TBCK: variants seen among roughly 807,000 people sequenced by gnomAD.
TBCK encodes the protein TBC domain-containing protein kinase-like protein.
TBCK carries 99 observed loss-of-function variants against 113.4 expected under a neutral mutation model. The ratio of observed to expected loss-of-function variants is 0.87; its 90% CI spans 0.74 to 1.03. TBCK has a LOEUF of 1.03. Ranked by LOEUF, TBCK falls within the 50% of genes least tolerant of loss-of-function variation. The pLI is 0.00. For missense variants in TBCK, 1,045 were observed against 1,061.3 expected (o/e 0.98, Z 0.21); for synonymous variants, 369 against 370.8 (o/e 1.00, Z 0.05).
At chr4:106,224,861 T>A (rs577896413) in intron 19 of TBCK, among the ~76,000 whole-genome samples, 1 of 152,324 alleles carries the variant, frequency 6.6e-6, no homozygotes, top group Non-Finnish European at 1.5e-5. Context: ...TTCAAATTCA[T>A]CAAGTATCTT....
intron 25 of TBCK, among the ~76,000 whole-genome samples, chr4:106,084,155 G>A (rs906934013): frequency 6.6e-6 from 1 of 152,078 alleles, no homozygotes; most frequent in Non-Finnish European, 1.5e-5. Flanking sequence ...AAAGGAACAT[G>A]TTCTAACCCA....
At chr4:106,072,296 G>A (rs962283467) in intron 25 of TBCK, among the ~76,000 whole-genome samples, 9 of 152,170 alleles carry the variant, frequency 5.9e-5, no homozygotes, top group South Asian at 2.1e-4. Flanking sequence ...GCCTGTTGGC[G>A]ACAAAATCTC....
At chr4:106,235,787 G>A (rs960958752) in intron 14 of TBCK, among the ~76,000 whole-genome samples, 9 of 152,146 alleles carry the variant, frequency 5.9e-5, no homozygotes, top group Non-Finnish European at 1.0e-4. Flanking sequence ...TCCGCATTTT[G>A]CATATAAATT....
chr4:106,163,120 G>T (rs555444947), intron 23 of TBCK, among the ~76,000 whole-genome samples: 3 of 152,060 alleles, frequency 2.0e-5, no homozygotes, highest in South Asian at 2.1e-4. Context: ...TCCAGGGCAG[G>T]GGCAAAATGC....
chr4:106,071,139 G>C (rs542824944), intron 25 of TBCK, among the ~76,000 whole-genome samples: 1 of 152,160 alleles, frequency 6.6e-6, no homozygotes, highest in South Asian at 2.1e-4. Context: ...CCTTCTGCTA[G>C]CTTTTGAATT....
chr4:106,116,147 A>G, intron 24 of TBCK, 56 bp downstream of exon 24: 4 of 1,497,328 alleles, frequency 2.7e-6, no homozygotes, highest in Non-Finnish European at 3.6e-6. Flanking sequence ...CTTAAATGAA[A>G]GGATGCAATA....
intron 12 of TBCK, among the ~76,000 whole-genome samples, chr4:106,237,860 G>A (rs1759647375): frequency 6.6e-6 from 1 of 151,934 alleles, no homozygotes; most frequent in Non-Finnish European, 1.5e-5. Context: ...TTAGTTTTCA[G>A]TATACTGTAT....
At chr4:106,047,861 C>T (rs1734386549) in intron 25 of TBCK, among the ~76,000 whole-genome samples, 1 of 152,110 alleles carries the variant, frequency 6.6e-6, no homozygotes, top group African/African-American at 2.4e-5. Context: ...CCTATTCCTC[C>T]TCATTGAGTA....
At chr4:106,255,114 C>A in intron 5 of TBCK, 1 of 234,494 alleles carries the variant, frequency 4.3e-6, no homozygotes, top group South Asian at 4.1e-5. Flanking sequence ...CTTTACAATA[C>A]TAACCCTAAC....
At chr4:106,230,667 A>G (rs1378381231) in intron 18 of TBCK, among the ~76,000 whole-genome samples, 1 of 151,916 alleles carries the variant, frequency 6.6e-6, no homozygotes, top group Non-Finnish European at 1.5e-5. Context: ...TATAACTTCA[A>G]TTTCAAACTA....
At chr4:106,315,551 C>T (rs1443961780) in intron 1 of TBCK, 1 of 152,258 alleles carries the variant, frequency 6.6e-6, no homozygotes, top group African/African-American at 2.4e-5. Flanking sequence ...TTCACTTTCT[C>T]CTACTGCTCA....
Position 106,243,093 on chromosome 4 carries a change from T to C in TBCK, c.1071-524A>G, listed in dbSNP as rs1370449095. Among the ~76,000 whole-genome samples the C allele has an allele frequency of 2.0e-5, 3 of 152,160 alleles. No homozygotes were observed. The East Asian group carries it at 5.8e-4, about 29-fold the overall frequency. On this transcript the variant is annotated intron_variant, in intron 11 of 25. Transcript: ENST00000394708. ...TTCCATGGTATATATGTGCCACATA[T>C]ACATAAACATATACATATGTGCCAC...
chr4:106,199,495 TATTTCAGCTCC>T (rs1340507755), intron 20 of TBCK, among the ~76,000 whole-genome samples: 1 of 152,128 alleles, frequency 6.6e-6, no homozygotes, highest in Non-Finnish European at 1.5e-5. Flanking sequence ...TTGAGGACCC[TATTTCAGCTCC>T]ATCCCTAAAC....
intron 3 of TBCK, among the ~76,000 whole-genome samples, chr4:106,271,142 TTCTG>T (rs1263403034): frequency 2.6e-5 from 4 of 152,158 alleles, no homozygotes; most frequent in Admixed American, 2.0e-4. Flanking sequence ...AATTAGTTAG[TTCTG>T]TCTATTTCAC....
chr4:106,251,646 T>C (rs1246491185), intron 6 of TBCK, among the ~76,000 whole-genome samples: 1 of 151,956 alleles, frequency 6.6e-6, no homozygotes, highest in East Asian at 1.9e-4. Flanking sequence ...ATAATATATA[T>C]CTGGTAACAT....
intron 22 of TBCK, among the ~76,000 whole-genome samples, chr4:106,183,526 G>A (rs1000229740): frequency 6.6e-6 from 1 of 151,962 alleles, no homozygotes; most frequent in African/African-American, 2.4e-5. Flanking sequence ...TCCTACTACA[G>A]AGCTACACTA....
upstream of TBCK, chr4:106,316,427 A>G (rs1579619965): frequency 2.0e-6 from 2 of 989,404 alleles, no homozygotes. Flanking sequence ...GGTTAATGGG[A>G]CTGAGCACAG....
Position 106,106,486 on chromosome 4 carries a change from T to C in TBCK, c.2411+9717A>G, listed in dbSNP as rs550234211. On this transcript the variant is annotated intron_variant, in intron 24 of 25. Coordinates refer to ENST00000394708, the MANE Select transcript of TBCK (RefSeq NM_001163435.3). ...AAAGCCAGAAGAGATTAGGGGCCTA[T>C]ATTGAATGTTCTGAAAGAAAAAAAA... 2.6e-5 allele frequency among the ~76,000 whole-genome samples: 4 copies of C among 152,310 alleles called. 1 individual carries two copies. The highest frequency in any genetic ancestry group is 9.6e-5 in the African/African-American group (4 of 41,562).
intron 25 of TBCK, among the ~76,000 whole-genome samples, chr4:106,072,832 T>G (rs1342692783): frequency 6.6e-6 from 1 of 152,182 alleles, no homozygotes; most frequent in African/African-American, 2.4e-5. Context: ...TCTTCTCTCT[T>G]CATTTCATTA....
Sources: allele counts gnomAD v4.1 joint callset (sites outside exome capture counted in the v4.1 genomes callset), GRCh38; gene constraint gnomAD v4.1.1; transcripts MANE v1.5; gene names NCBI Gene and HGNC (gene_info 2026-07-23, HGNC 2026-07-21).